The following KNTC1 variants were observed in gnomAD, a reference collection of about 807,000 sequenced individuals.
The protein encoded by KNTC1 is kinetochore-associated protein 1.
KNTC1 carries 253 observed loss-of-function variants against 314.4 expected under a neutral mutation model. That is an observed-to-expected ratio of 0.80 (90% CI 0.73 to 0.89). The LOEUF is 0.89. KNTC1 is among the 40% of genes least tolerant of loss of function. The pLI is 0.00. For missense variants in KNTC1, 2,475 were observed against 2,572.9 expected, an observed-to-expected ratio of 0.96 and a Z score of 0.82; for synonymous variants, 901 against 901.4, an observed-to-expected ratio of 1.00 and a Z score of 0.01.
At chr12:122,544,125 T>G in intron 7 of KNTC1, 34 bp from the exon 8 acceptor site, 1 of 856,202 alleles carries the variant, frequency 1.2e-6, no homozygotes, top group Admixed American at 2.5e-5. Flanking sequence ...AAATATGTAT[T>G]ATATATATGA....
intron 62 of KNTC1, 30 bp from the exon 63 acceptor site, chr12:122,624,567 CT>C: frequency 1.3e-6 from 2 of 1,547,838 alleles, no homozygotes; most frequent in Non-Finnish European, 1.8e-6. Context: ...TGTGCTTGGC[CT>C]AACACTTCTT....
rs1470518998 is a variant in KNTC1 at position 122,621,719 on chromosome 12, CTT to C, written c.6280-159_6280-158del. On this transcript the variant is annotated intron_variant, in intron 60 of 63. Transcript: ENST00000333479. ...GTTCTTGTCTTTGACTTTTTCCCCT[CTT>C]TTCATCATTCATACACTCATTCCTT... Among the ~76,000 whole-genome samples the C allele has an allele frequency of 1.6e-4, 25 of 152,316 alleles. No homozygotes were observed. The South Asian group carries it at 5.0e-3, about 30-fold the overall frequency.
chr12:122,547,511 TCTC>T lies in KNTC1; in HGVS notation c.916_918del (p.Pro306del), dbSNP rs200078306. On this transcript the variant is annotated inframe_deletion, in exon 11 of 64. Coordinates refer to ENST00000333479, the MANE Select transcript of KNTC1 (RefSeq NM_014708.6). The stretch of plus-strand genomic sequence containing the variant: ...GTTTCTTCTTACTACAGAAGCAGAC[TCTC>T]CTTCATCAGTCACGTGGTATGTTAT... 739 of 1,605,634 alleles carry T rather than the reference TCTC, an allele frequency of 4.6e-4. 4 individuals carry two copies. Among genetic ancestry groups the T allele is most frequent in the Middle Eastern group, 6.6e-4 (4 of 6,054 alleles).
intron 2 of KNTC1, among the ~76,000 whole-genome samples, chr12:122,530,690 A>G (rs995167592): frequency 6.6e-6 from 1 of 152,036 alleles, no homozygotes. Flanking sequence ...GCCTCAAGAA[A>G]TCCACCCACC....
At chr12:122,536,798 G>A (rs1291604050) in intron 3 of KNTC1, among the ~76,000 whole-genome samples, 1 of 152,288 alleles carries the variant, frequency 6.6e-6, no homozygotes, top group Non-Finnish European at 1.5e-5. Flanking sequence ...GATTACAGGC[G>A]TGAGCCACTG....
chr12:122,534,870 C>T, intron 3 of KNTC1, 86 bp downstream of exon 3: 7 of 1,281,418 alleles, frequency 5.5e-6, no homozygotes, highest in Non-Finnish European at 7.8e-6. Context: ...CTCCTCTTTA[C>T]TCCATTATTT....
At chr12:122,613,402 C>T in intron 54 of KNTC1, 172 bp downstream of exon 54, 1 of 652,566 alleles carries the variant, frequency 1.5e-6, no homozygotes, top group South Asian at 2.2e-5. Flanking sequence ...GCTTTGAGAA[C>T]ATCTTGTTTC....
At chr12:122,552,069 G>A (rs960829812) in intron 16 of KNTC1, among the ~76,000 whole-genome samples, 5 of 151,964 alleles carry the variant, frequency 3.3e-5, no homozygotes, top group South Asian at 2.1e-4. Flanking sequence ...CACCATGCCC[G>A]GTTAATTTTT....
intron 8 of KNTC1, among the ~76,000 whole-genome samples, chr12:122,544,807 T>A (rs1481659995): frequency 1.3e-5 from 2 of 152,232 alleles, no homozygotes; most frequent in African/African-American, 4.8e-5. Context: ...TGTAAATTTT[T>A]TGCCCATCCA....
chr12:122,583,143 C>T (rs1355514745), intron 34 of KNTC1, among the ~76,000 whole-genome samples, 158 bp downstream of exon 34: 2 of 152,116 alleles, frequency 1.3e-5, no homozygotes, highest in Admixed American at 6.6e-5. Context: ...AACCCTGTCT[C>T]TACTAAAAAT....
rs939045551 is a variant in KNTC1 at position 122,557,291 on chromosome 12, A to G, written c.1273-93A>G. ...AGCGCATGAGGATTCACCTTTTTGAAGTAGTTTGTTTCACTCAGCTTACTC... is the reference window on the plus strand; with the variant it reads ...AGCGCATGAGGATTCACCTTTTTGAGGTAGTTTGTTTCACTCAGCTTACTC... On this transcript the variant is annotated intron_variant, in intron 16 of 63. Transcript: ENST00000333479. 4.7e-5 allele frequency: 56 copies of G among 1,188,430 alleles called. No homozygotes were observed. The African/African-American group carries it at 8.3e-4, about 18-fold the overall frequency. The allele number at this position is 1,188,430 out of a possible 1,614,324, so 73.6% of individuals were successfully genotyped here. A position where few individuals can be genotyped will look rare whatever the true frequency, so the allele number is the denominator to read the frequency against.
At chr12:122,570,809 C>T (rs925150774) in intron 22 of KNTC1, 67 bp from the exon 23 acceptor site, 6 of 986,910 alleles carry the variant, frequency 6.1e-6, no homozygotes, top group East Asian at 5.3e-5. Flanking sequence ...AAAAAGAAAT[C>T]GTGGAGGTTT....
chr12:122,566,752 A>G (rs546804687), intron 20 of KNTC1, among the ~76,000 whole-genome samples: 2 of 133,360 alleles, frequency 1.5e-5, no homozygotes, highest in African/African-American at 2.8e-5. Context: ...CATGTTGTCC[A>G]GGCTGGTTTT....
chr12:122,605,184 T>C, intron 50 of KNTC1, 97 bp downstream of exon 50: 2 of 1,099,642 alleles, frequency 1.8e-6, no homozygotes, highest in Non-Finnish European at 2.6e-6. Context: ...ATTACTTACA[T>C]ATGCTTATAT....
At chr12:122,614,422 G>T (rs917599686) in intron 55 of KNTC1, among the ~76,000 whole-genome samples, 1 of 152,108 alleles carries the variant, frequency 6.6e-6, no homozygotes, top group East Asian at 1.9e-4. Flanking sequence ...TGGAGGCTGG[G>T]GCAGGAAGGT....
chr12:122,532,319 C>T (rs960742469), intron 2 of KNTC1, among the ~76,000 whole-genome samples: 1 of 145,842 alleles, frequency 6.9e-6, no homozygotes. Context: ...AGCGATTCTT[C>T]TGCCTCACCC....
At chr12:122,557,565 A>C in intron 17 of KNTC1, 35 bp from the exon 18 acceptor site, 1 of 1,610,134 alleles carries the variant, frequency 6.2e-7, no homozygotes, top group South Asian at 1.1e-5. Flanking sequence ...GATCAACATT[A>C]GGTTGCCTTA....
intron 43 of KNTC1, among the ~76,000 whole-genome samples, chr12:122,596,993 T>C (rs1023479144): frequency 6.6e-6 from 1 of 152,172 alleles, no homozygotes; most frequent in East Asian, 1.9e-4. Flanking sequence ...AGATGTATTG[T>C]TAGGTTGTTT....
At chr12:122,584,546 A>T (rs1868958112) in intron 35 of KNTC1, 96 bp downstream of exon 35, 1 of 830,346 alleles carries the variant, frequency 1.2e-6, no homozygotes, top group African/African-American at 1.7e-5. Flanking sequence ...CATCACGGTA[A>T]TCAGACTAGA....
Sources: allele counts gnomAD v4.1 joint callset (sites outside exome capture counted in the v4.1 genomes callset), GRCh38; gene constraint gnomAD v4.1.1; transcripts MANE v1.5; gene names NCBI Gene and HGNC (gene_info 2026-07-23, HGNC 2026-07-21).